Variants in HELZ observed in about 807,000 individuals in gnomAD.
The protein encoded by HELZ is ATP-dependent RNA helicase with zinc finger domain.
Under a neutral mutation model 218.2 loss-of-function variants are expected in HELZ, and 23 were observed. That is an observed-to-expected ratio of 0.11 (90% CI 0.08 to 0.15). The LOEUF is 0.15. Ranked by LOEUF, HELZ falls within the 10% of genes least tolerant of loss-of-function variation. HELZ has a pLI of 1.00. For synonymous variants in HELZ, 814 were observed against 829.4 expected (o/e 0.98, Z 0.32); for missense variants, 1,813 against 2,353.7 (o/e 0.77, Z 4.75).
Position 67,109,587 on chromosome 17 carries a change from T to C in HELZ, c.4018A>G (p.Arg1340Gly), listed in dbSNP as rs766492196. 2 of 1,614,200 alleles carry C rather than the reference T, an allele frequency of 1.2e-6. No individual in the cohort carries two copies. The highest frequency in any genetic ancestry group is 4.5e-5 in the East Asian group (2 of 44,884). ...GCAGGAAGGGGAAGATTTATGTGTCTTGGGTTGAGATTATCTTTGCGAGGA... is the reference window on the plus strand; with the variant it reads ...GCAGGAAGGGGAAGATTTATGTGTCCTGGGTTGAGATTATCTTTGCGAGGA... ...KFPRKDNLNP[R>G]HINLPLPAPH... The change falls in exon 29 of 33, where the codon AGA (arginine) becomes GGA (glycine). Residue 1340 changes from arginine (R) to glycine (G), a missense_variant. By Grantham distance (125) the Arg-to-Gly change is moderately radical. Coordinates refer to ENST00000358691, the MANE Select transcript of HELZ (RefSeq NM_014877.4).
intron 3 of HELZ, among the ~76,000 whole-genome samples, chr17:67,236,325 G>C (rs1375799013): frequency 6.6e-6 from 1 of 152,090 alleles, no homozygotes; most frequent in Non-Finnish European, 1.5e-5. Flanking sequence ...TCTGTTAGGA[G>C]CACAAACTGG....
intron 1 of HELZ, among the ~76,000 whole-genome samples, chr17:67,244,285 T>G (rs1442236647): frequency 6.6e-6 from 1 of 151,898 alleles, no homozygotes; most frequent in Non-Finnish European, 1.5e-5. Flanking sequence ...AAGTGTTAAG[T>G]TGTGAGGGAG....
At chr17:67,208,427 GTGC>G (rs2040362340) in intron 5 of HELZ, among the ~76,000 whole-genome samples, 1 of 152,092 alleles carries the variant, frequency 6.6e-6, no homozygotes. Flanking sequence ...TTTTGATATG[GTGC>G]CAGAGTTATG....
intron 3 of HELZ, among the ~76,000 whole-genome samples, chr17:67,231,510 G>A (rs1428688445): frequency 4.0e-5 from 6 of 149,834 alleles, no homozygotes; most frequent in African/African-American, 4.9e-5. Flanking sequence ...GGAGAATGGC[G>A]TGAACCCGGG....
chr17:67,185,559 AAGTT>A (rs1163094950), intron 12 of HELZ, among the ~76,000 whole-genome samples: 2 of 152,172 alleles, frequency 1.3e-5, no homozygotes, highest in Non-Finnish European at 2.9e-5. Flanking sequence ...TGACCAAAAA[AAGTT>A]AGCCCAATAT....
At chr17:67,202,968 C>A (rs1038756060) in intron 6 of HELZ, among the ~76,000 whole-genome samples, 5 of 151,560 alleles carry the variant, frequency 3.3e-5, no homozygotes, top group African/African-American at 4.8e-5. Context: ...TACAAAAAGT[C>A]AAAAATTAGC....
At chr17:67,194,580 C>G (rs2039976193) in intron 8 of HELZ, among the ~76,000 whole-genome samples, 1 of 152,038 alleles carries the variant, frequency 6.6e-6, no homozygotes, top group African/African-American at 2.4e-5. Context: ...AAGTTTAATT[C>G]TGAGATAGGA....
At chr17:67,223,287 TGG>T (rs1174797211) in intron 3 of HELZ, among the ~76,000 whole-genome samples, 1 of 151,404 alleles carries the variant, frequency 6.6e-6, no homozygotes, top group African/African-American at 2.4e-5. Flanking sequence ...GATACTAAGT[TGG>T]GTCTCTAAGG....
At chr17:67,218,022 C>T (rs2040650252) in intron 4 of HELZ, among the ~76,000 whole-genome samples, 2 of 151,674 alleles carry the variant, frequency 1.3e-5, no homozygotes, top group Non-Finnish European at 2.9e-5. Context: ...GCAACCTCTG[C>T]CTCCTGGGTT....
intron 24 of HELZ, 96 bp from the exon 25 acceptor site, chr17:67,124,110 T>C: frequency 2.6e-6 from 2 of 770,942 alleles, no homozygotes; most frequent in Non-Finnish European, 4.3e-6. Flanking sequence ...AATGTACACA[T>C]CAATAATTAA....
chr17:67,145,914 A>G (rs914717439), intron 20 of HELZ, 24 bp from the exon 21 acceptor site: 47 of 1,592,890 alleles, frequency 3.0e-5, no homozygotes, highest in Non-Finnish European at 3.9e-5. Flanking sequence ...CAAAAAGAAA[A>G]AAGGGGGAAA....
At chr17:67,236,535 T>C (rs188509961) in intron 3 of HELZ, among the ~76,000 whole-genome samples, 183 of 152,236 alleles carry the variant, frequency 1.2e-3, no homozygotes, top group Admixed American at 2.5e-3. Flanking sequence ...TAAAAAGACT[T>C]AGGTAAATTG....
intron 21 of HELZ, among the ~76,000 whole-genome samples, chr17:67,143,024 G>A (rs1158532456): frequency 6.6e-6 from 1 of 152,066 alleles, no homozygotes; most frequent in African/African-American, 2.4e-5. Flanking sequence ...GCCTCCTAAT[G>A]TGCTGGGATT....
chr17:67,123,297 G>A, intron 25 of HELZ, 137 bp from the exon 26 acceptor site: 1 of 503,846 alleles, frequency 2.0e-6, no homozygotes, highest in Non-Finnish European at 3.3e-6. Context: ...TTATCAGTGT[G>A]GAAAAGTAAA....
chr17:67,153,488 T>A (rs2038751459), intron 17 of HELZ, among the ~76,000 whole-genome samples: 1 of 152,226 alleles, frequency 6.6e-6, no homozygotes, highest in Non-Finnish European at 1.5e-5. Context: ...TCTTCCCTAG[T>A]TAGGAAAACC....
Position 67,109,419 on chromosome 17 carries a change from G to A in HELZ, c.4186C>T (p.Pro1396Ser), listed in dbSNP as rs199548324. The change falls in exon 29 of 33, where the codon CCT becomes TCT. Residue 1396 changes from proline to serine, a missense_variant. By Grantham distance (74) the Pro-to-Ser change is moderately conservative (BLOSUM62 -1). Around this residue, in one of 4 missense-constraint regions of HELZ, gnomAD observed 938 missense variants for 1,027.5 expected, o/e 0.91. Coordinates refer to ENST00000358691, the MANE Select transcript of HELZ (RefSeq NM_014877.4). ...NLPEQPNQIP[P>S]QPNQVVQQQS... ...TGCTGGACTACCTGATTTGGCTGAG[G>A]TGGTATCTGATTTGGTTGTTCAGGC... 1 of 1,614,192 alleles carries A rather than the reference G, an allele frequency of 6.2e-7. No individual in the cohort carries two copies. The highest frequency in any genetic ancestry group is 2.2e-5 in the East Asian group (1 of 44,886).
At chr17:67,195,853 T>G (rs202187160) in intron 7 of HELZ, among the ~76,000 whole-genome samples, 1 of 109,450 alleles carries the variant, frequency 9.1e-6, no homozygotes, top group Non-Finnish European at 1.8e-5. Flanking sequence ...TTTTTTTTTC[T>G]TTTTTTTTTT....
At chr17:67,172,490 A>ATT (rs11462746) in intron 13 of HELZ, among the ~76,000 whole-genome samples, 15 of 152,010 alleles carry the variant, frequency 9.9e-5, no homozygotes, top group African/African-American at 7.2e-5. Flanking sequence ...TAATAATCTG[A>ATT]TTTTTCCCAA....
intron 16 of HELZ, among the ~76,000 whole-genome samples, 185 bp downstream of exon 16, chr17:67,160,712 G>A (rs2038970663): frequency 6.6e-6 from 1 of 152,082 alleles, no homozygotes; most frequent in South Asian, 2.1e-4. Flanking sequence ...TCTAAAAACA[G>A]TATGTTTTAA....
Sources: gnomAD v4.1 joint callset for allele counts (sites outside exome capture counted in the v4.1 genomes callset) on GRCh38, gnomAD v4.1.1 for gene constraint, gnomAD v4.1.1 regional missense constraint, MANE v1.5 for transcripts, NCBI Gene and HGNC (gene_info 2026-07-23, HGNC 2026-07-21) for gene names.